The following AP3B2 variants were observed in gnomAD, a reference collection of about 807,000 sequenced individuals.
The protein encoded by AP3B2 is adaptor related protein complex 3 subunit beta 2.
In AP3B2, 50 loss-of-function variants were observed where a neutral mutation model predicts 126.9. The ratio of observed to expected loss-of-function variants is 0.39; its 90% CI spans 0.31 to 0.50. The LOEUF is 0.50. AP3B2 is among the 20% of genes least tolerant of loss of function. The pLI is 0.79. For synonymous variants in AP3B2, 541 were observed against 565.0 expected (o/e 0.96, Z 0.60); for missense variants, 1,177 against 1,426.4 (o/e 0.83, Z 2.82).
At chr15:82,697,251 G>A (rs2048643601) in intron 1 of AP3B2, among the ~76,000 whole-genome samples, 1 of 151,838 alleles carries the variant, frequency 6.6e-6, no homozygotes, top group East Asian at 1.9e-4. Flanking sequence ...GGAGAATGGC[G>A]TGAACCCAGG....
rs890550023 is a variant in AP3B2, at chr15:82,677,682, G to T, written c.1367C>A (p.Ser456Tyr). 1.3e-6 allele frequency: 2 copies of T among 1,561,478 alleles called. No individual in the cohort carries two copies. The highest frequency in any genetic ancestry group is 2.7e-5 in the African/African-American group (2 of 73,846). The change falls in exon 12 of 27, where the codon TCC becomes TAC. Residue 456 changes from serine to tyrosine, a missense_variant. Coordinates refer to ENST00000535359, the MANE Select transcript of AP3B2 (RefSeq NM_001278512.2). ...TCLNGLVQLL[S>Y]NRDELVVAES... Reference sequence around the variant, plus strand: ...AGGGAAACACTGACCATCACGGTTGGACAGCAGCTGCACCAGGCCATTGAG... The same window carrying T: ...AGGGAAACACTGACCATCACGGTTGTACAGCAGCTGCACCAGGCCATTGAG...
chr15:82,659,750 G>T, intron 26 of AP3B2, 40 bp from the exon 27 acceptor site: 1 of 1,611,208 alleles, frequency 6.2e-7, no homozygotes, highest in Non-Finnish European at 8.5e-7. Context: ...AGCTGCTAAG[G>T]GTGACTGTGT....
In AP3B2 at chr15:82,664,923, G is replaced by A; in HGVS notation, c.2049C>T (p.Cys683=). 1 of 1,608,350 alleles carries A rather than the reference G, an allele frequency of 6.2e-7. No individual in the cohort carries two copies. Among genetic ancestry groups the A allele is most frequent in the South Asian group, 1.1e-5 (1 of 89,440 alleles). Reference sequence around the variant, plus strand: ...TCTCCTTTCTCTTCTCCCGATTTGAGCACTTGGTCCATTCAGGTACCTGGA... The same window carrying A: ...TCTCCTTTCTCTTCTCCCGATTTGAACACTTGGTCCATTCAGGTACCTGGA... ...EYTEVPEWTK[C]SNREKRKEKE... Residue 683 remains cysteine (C), a synonymous_variant, in exon 18 of 27, where the codon TGC becomes TGT. Coordinates refer to ENST00000535359, the MANE Select transcript of AP3B2 (RefSeq NM_001278512.2). The surrounding 1 kb of genome is among the most constrained non-coding windows in gnomAD (Gnocchi z 4.5).
At chr15:82,696,814 GT>G (rs1351451296) in intron 1 of AP3B2, among the ~76,000 whole-genome samples, 1 of 152,176 alleles carries the variant, frequency 6.6e-6, no homozygotes, top group Admixed American at 6.5e-5. Context: ...TGATCACGAA[GT>G]GATCAGAGAA....
intron 14 of AP3B2, among the ~76,000 whole-genome samples, chr15:82,668,030 T>C (rs968230864): frequency 1.3e-5 from 2 of 152,220 alleles, no homozygotes; most frequent in African/African-American, 4.8e-5. Context: ...CTGAGGTTTA[T>C]GGTGACATAC....
chr15:82,684,436 C>CAT (rs2048393084), intron 4 of AP3B2, among the ~76,000 whole-genome samples: 1 of 152,182 alleles, frequency 6.6e-6, no homozygotes, highest in Non-Finnish European at 1.5e-5. Context: ...TCTCAGCCAT[C>CAT]ATAGAATTGG....
chr15:82,705,373 T>C (rs1187787900), intron 1 of AP3B2, among the ~76,000 whole-genome samples: 1 of 152,166 alleles, frequency 6.6e-6, no homozygotes, highest in Non-Finnish European at 1.5e-5. Flanking sequence ...GTCTTACAAT[T>C]AGTTCAGGAT....
chr15:82,676,868 CTAAG>C (rs1355399096), intron 13 of AP3B2, among the ~76,000 whole-genome samples: 2 of 152,182 alleles, frequency 1.3e-5, no homozygotes, highest in African/African-American at 4.8e-5. Flanking sequence ...TTTCAAGACC[CTAAG>C]TCAGTCATGA....
chr15:82,678,778 C>T (rs971898435), intron 10 of AP3B2, among the ~76,000 whole-genome samples: 1 of 152,168 alleles, frequency 6.6e-6, no homozygotes, highest in Admixed American at 6.5e-5. Context: ...TTTACATTTG[C>T]CTTGTGATTA....
intron 1 of AP3B2, among the ~76,000 whole-genome samples, chr15:82,691,357 C>T (rs1353389127): frequency 2.0e-5 from 3 of 152,110 alleles, no homozygotes; most frequent in African/African-American, 7.2e-5. Context: ...CTCTGATGGC[C>T]AGTGATGATG....
intron 14 of AP3B2, among the ~76,000 whole-genome samples, chr15:82,672,677 T>C (rs1490521353): frequency 1.3e-5 from 2 of 152,194 alleles, no homozygotes; most frequent in Non-Finnish European, 2.9e-5. Context: ...CCTGATGTGA[T>C]TGTTATGCAT....
intron 14 of AP3B2, among the ~76,000 whole-genome samples, chr15:82,670,000 T>G (rs1032171154): frequency 3.3e-5 from 2 of 60,546 alleles, no homozygotes; most frequent in Non-Finnish European, 5.6e-5. Flanking sequence ...GAGAACTCCA[T>G]CTCAAAAAAA....
Position 82,680,639 on chromosome 15 carries a change from A to G in AP3B2, c.888T>C (p.Tyr296=). ...AAAAAPSRKP[Y]VMDPDHRLLL... Reference sequence around the variant, plus strand: ...GCAGCCGGTGGTCGGGGTCCATGACATAGGGCTTTCGGGAGGGGGCGGCCG... The same window carrying G: ...GCAGCCGGTGGTCGGGGTCCATGACGTAGGGCTTTCGGGAGGGGGCGGCCG... Residue 296 remains tyrosine (Y), a synonymous_variant, in exon 8 of 27, where the codon TAT becomes TAC. Transcript: ENST00000535359. This position sits in a 1 kb window ranked among gnomAD's most constrained non-coding sequence, Gnocchi z 6.1. 1 of 1,591,180 alleles carries G rather than the reference A, an allele frequency of 6.3e-7. No homozygotes were observed. Among genetic ancestry groups the G allele is most frequent in the Non-Finnish European group, 8.5e-7 (1 of 1,173,606 alleles).
At chr15:82,698,440 C>A (rs1039624409) in intron 1 of AP3B2, among the ~76,000 whole-genome samples, 1 of 151,686 alleles carries the variant, frequency 6.6e-6, no homozygotes, top group Admixed American at 6.6e-5. Flanking sequence ...GACCTCTCCC[C>A]GCTCCCCCAC....
intron 4 of AP3B2, chr15:82,685,795 T>G (rs1415101080): frequency 6.6e-6 from 1 of 152,258 alleles, no homozygotes; most frequent in African/African-American, 2.4e-5. Flanking sequence ...ATTTTTTAGG[T>G]AGGCCTTTTG....
rs899360874 is a variant in AP3B2, at chr15:82,659,619, C to T, written c.3247G>A (p.Glu1083Lys). 32 of 1,613,856 alleles carry T rather than the reference C, an allele frequency of 2.0e-5. No individual in the cohort carries two copies. The highest frequency in any genetic ancestry group is 2.5e-5 in the Non-Finnish European group (30 of 1,179,906). The change falls in exon 27 of 27, where the codon GAG becomes AAG. Residue 1083 changes from glutamate to lysine, a missense_variant. Around this residue, in one of 5 missense-constraint regions of AP3B2, gnomAD observed 587 missense variants for 571.3 expected, o/e 1.03. Coordinates refer to ENST00000535359, the MANE Select transcript of AP3B2 (RefSeq NM_001278512.2). ...AGCATGGTGCCAATCACCATTTTCT[C>T]GCTGTTGACAGTCAGCTGGGCAGCT... ...AGAAQLTVNS[E>K]KMVIGTMLVK...
At position 82,680,150 on chromosome 15, in the gene AP3B2, G is replaced by A. The variant is rs2048310176; in HGVS notation, c.1110+25C>T. ...CGCAGAAGCGGCCCTCGGACAGCGAGGACAGCCCGCCGTCGCAGGCTCACC... is the reference window on the plus strand; with the variant it reads ...CGCAGAAGCGGCCCTCGGACAGCGAAGACAGCCCGCCGTCGCAGGCTCACC... On this transcript the variant is annotated intron_variant, in intron 9 of 26. Coordinates refer to ENST00000535359, the MANE Select transcript of AP3B2 (RefSeq NM_001278512.2). This position sits in a 1 kb window ranked among gnomAD's most constrained non-coding sequence, Gnocchi z 6.1. 1.2e-6 allele frequency: 2 copies of A among 1,612,552 alleles called. No individual in the cohort carries two copies. The highest frequency in any genetic ancestry group is 1.7e-6 in the Non-Finnish European group (2 of 1,179,738).
At chr15:82,671,011 G>T (rs1179870745) in intron 14 of AP3B2, among the ~76,000 whole-genome samples, 1 of 152,098 alleles carries the variant, frequency 6.6e-6, no homozygotes, top group Non-Finnish European at 1.5e-5. Context: ...GGCCAGGCAC[G>T]GGTGGCTCAT....
In AP3B2 at chr15:82,664,976, A is replaced by G. The variant is rs376981047; in HGVS notation, c.2029-33T>C. On this transcript the variant is annotated intron_variant, in intron 17 of 26. Coordinates refer to ENST00000535359, the MANE Select transcript of AP3B2 (RefSeq NM_001278512.2). This position sits in a 1 kb window ranked among gnomAD's most constrained non-coding sequence, Gnocchi z 4.5. The stretch of plus-strand genomic sequence containing the variant: ...TGGGGGTAGGGTGCAGGGTCATTTC[A>G]TCATGGTTGGGGAGAAGGCAGGCAG... 1.3e-6 allele frequency: 2 copies of G among 1,514,862 alleles called. No individual in the cohort carries two copies. Among genetic ancestry groups the G allele is most frequent in the Non-Finnish European group, 1.8e-6 (2 of 1,103,206 alleles). The allele number at this position is 1,514,862 out of a possible 1,614,324, so 93.8% of individuals were successfully genotyped here.
Sources: allele counts gnomAD v4.1 joint callset (sites outside exome capture counted in the v4.1 genomes callset), GRCh38; gene constraint gnomAD v4.1.1; regional missense constraint gnomAD v4.1.1; non-coding constraint Gnocchi (gnomAD v3.1); transcripts MANE v1.5; gene names NCBI Gene and HGNC (gene_info 2026-07-23, HGNC 2026-07-21).